MICU1: variants seen among roughly 807,000 people sequenced by gnomAD.
The protein encoded by MICU1 is mitochondrial calcium uptake 1.
A neutral mutation model predicts 56.8 loss-of-function variants in MICU1; 45 were observed. The observed-to-expected ratio is 0.79, with a 90% CI of 0.62 to 1.02. MICU1 has a LOEUF of 1.02. Ranked by LOEUF, MICU1 falls within the 50% of genes least tolerant of loss-of-function variation. The probability of loss-of-function intolerance (pLI) is 0.00; values close to 1 mark genes in which losing one functional copy is unlikely to be tolerated. For synonymous variants in MICU1, 186 were observed against 195.1 expected, an observed-to-expected ratio of 0.95 and a Z score of 0.39; for missense variants, 504 against 587.1, an observed-to-expected ratio of 0.86 and a Z score of 1.46.
At chr10:72,509,749 T>A (rs1867381805) in intron 5 of MICU1, among the ~76,000 whole-genome samples, 1 of 152,122 alleles carries the variant, frequency 6.6e-6, no homozygotes. Context: ...GTCCAGTATG[T>A]TATTAAGGTT....
chr10:72,430,196 G>T (rs1177116406), intron 8 of MICU1, among the ~76,000 whole-genome samples: 1 of 151,832 alleles, frequency 6.6e-6, no homozygotes, highest in Admixed American at 6.6e-5. Flanking sequence ...TTATCTCACT[G>T]CCTGTACTTT....
chr10:72,398,466 C>T (rs1863340254), intron 10 of MICU1, among the ~76,000 whole-genome samples: 1 of 149,772 alleles, frequency 6.7e-6, no homozygotes, highest in Non-Finnish European at 1.5e-5. Flanking sequence ...GAGATAGAGA[C>T]ACAAAAAAAA....
chr10:72,484,769 G>T (rs140080051), intron 6 of MICU1, among the ~76,000 whole-genome samples: 12 of 152,248 alleles, frequency 7.9e-5, no homozygotes, highest in African/African-American at 2.9e-4. Context: ...CCCACTTCCA[G>T]TCCCAGCCTC....
At chr10:72,430,946 G>T (rs1356687193) in intron 8 of MICU1, among the ~76,000 whole-genome samples, 1 of 151,994 alleles carries the variant, frequency 6.6e-6, no homozygotes, top group African/African-American at 2.4e-5. Flanking sequence ...TTATAAAATG[G>T]TATCACAGTG....
intron 1 of MICU1, among the ~76,000 whole-genome samples, chr10:72,588,307 A>G (rs996991890): frequency 4.1e-5 from 6 of 145,074 alleles, no homozygotes; most frequent in Non-Finnish European, 9.3e-5. Context: ...TCTTTTCTTC[A>G]TAAATTACCC....
intron 10 of MICU1, among the ~76,000 whole-genome samples, chr10:72,386,179 A>G (rs1589158726): frequency 6.6e-6 from 1 of 151,964 alleles, no homozygotes; most frequent in East Asian, 1.9e-4. Flanking sequence ...TATGATTGGG[A>G]ATGTCTTTTT....
At position 72,561,262 on chromosome 10, in the gene MICU1, G is replaced by C. The variant is rs146368567; in HGVS notation, c.330+1633C>G. 3.7e-4 allele frequency among the ~76,000 whole-genome samples: 57 copies of C among 152,354 alleles called. No individual in the cohort carries two copies. The East Asian group carries it at 9.3e-3, about 25-fold the overall frequency. ...GAGCAGAAGGCAGGAGTAGAAAATG[G>C]AAGTAGGTTCAAAATAAATGTTTAT... On this transcript the variant is annotated intron_variant, in intron 3 of 11. Coordinates refer to ENST00000361114, the MANE Select transcript of MICU1 (RefSeq NM_001195518.2).
chr10:72,495,563 G>A (rs530066964), intron 6 of MICU1, among the ~76,000 whole-genome samples: 2 of 150,300 alleles, frequency 1.3e-5, no homozygotes, highest in Non-Finnish European at 2.9e-5. Context: ...GCTGAGGCAG[G>A]AGAATCACTT....
At chr10:72,601,335 G>A (rs1482102065) in intron 1 of MICU1, among the ~76,000 whole-genome samples, 2 of 150,018 alleles carry the variant, frequency 1.3e-5, no homozygotes, top group African/African-American at 2.5e-5. Context: ...GAGGTGGGAC[G>A]ATCACTTGAG....
intron 1 of MICU1, among the ~76,000 whole-genome samples, chr10:72,622,416 A>G (rs1842127650): frequency 6.6e-6 from 1 of 152,134 alleles, no homozygotes; most frequent in Non-Finnish European, 1.5e-5. Context: ...CAGGATAGGG[A>G]CAAATTCCAA....
At chr10:72,513,996 A>G (rs1261298972) in intron 5 of MICU1, among the ~76,000 whole-genome samples, 1 of 151,940 alleles carries the variant, frequency 6.6e-6, no homozygotes, top group Non-Finnish European at 1.5e-5. Flanking sequence ...ATTTTAAAGT[A>G]TAAGTCTCTT....
chr10:72,621,953 G>A (rs555762076), intron 1 of MICU1, among the ~76,000 whole-genome samples: 8 of 152,000 alleles, frequency 5.3e-5, no homozygotes, highest in South Asian at 2.1e-4. Flanking sequence ...TTGCTCTGTC[G>A]CCCAGGCTGG....
intron 1 of MICU1, among the ~76,000 whole-genome samples, chr10:72,585,095 T>G (rs1353133529): frequency 2.1e-5 from 3 of 143,782 alleles, no homozygotes; most frequent in East Asian, 2.0e-4. Context: ...TTTTTTTTTG[T>G]TTTTTTTTTT....
chr10:72,383,626 T>A (rs1340099819), intron 10 of MICU1, among the ~76,000 whole-genome samples: 1 of 152,204 alleles, frequency 6.6e-6, no homozygotes, highest in Non-Finnish European at 1.5e-5. Flanking sequence ...CTTATCTCAA[T>A]CTTGAGAAGA....
chr10:72,541,967 C>T (rs915434), intron 4 of MICU1, among the ~76,000 whole-genome samples: 69,678 of 151,962 alleles, frequency 0.46, 20,154 homozygotes, highest in Non-Finnish European at 0.67. Flanking sequence ...AATAAAAGAA[C>T]GGCTACCTGT....
intron 10 of MICU1, among the ~76,000 whole-genome samples, chr10:72,388,093 C>T (rs941962487): frequency 6.6e-6 from 1 of 152,160 alleles, no homozygotes; most frequent in Non-Finnish European, 1.5e-5. Flanking sequence ...GACTCAAACT[C>T]AGGTTTGAAC....
intron 8 of MICU1, among the ~76,000 whole-genome samples, chr10:72,452,262 C>T (rs1476000815): frequency 6.6e-6 from 1 of 152,132 alleles, no homozygotes; most frequent in Non-Finnish European, 1.5e-5. Context: ...TAACAAGCCC[C>T]AAATCATCTA....
At chr10:72,442,592 C>T (rs779984205) in intron 8 of MICU1, among the ~76,000 whole-genome samples, 87 of 152,164 alleles carry the variant, frequency 5.7e-4, no homozygotes, top group Non-Finnish European at 9.6e-4. Flanking sequence ...AGCGTTTGTG[C>T]TTTTCTTTAT....
chr10:72,577,504 C>T (rs1564943970), intron 1 of MICU1, among the ~76,000 whole-genome samples: 1 of 146,364 alleles, frequency 6.8e-6, no homozygotes, highest in African/African-American at 2.6e-5. Flanking sequence ...AGCTAAACTC[C>T]GTCTCAAAAA....
Sources: gnomAD v4.1 joint callset for allele counts (sites outside exome capture counted in the v4.1 genomes callset) on GRCh38, gnomAD v4.1.1 for gene constraint, MANE v1.5 for transcripts, NCBI Gene and HGNC (gene_info 2026-07-23, HGNC 2026-07-21) for gene names.